The following PCCA variants were observed in gnomAD, a reference collection of about 807,000 sequenced individuals.
PCCA encodes propionyl-CoA carboxylase alpha chain, mitochondrial.
In PCCA, 74 loss-of-function variants were observed where a neutral mutation model predicts 101.3. The ratio of observed to expected loss-of-function variants is 0.73; its 90% confidence interval spans 0.61 to 0.89. The LOEUF (loss-of-function observed/expected upper bound fraction) is 0.89. Ranked by LOEUF, PCCA falls within the 40% of genes least tolerant of loss-of-function variation. PCCA has a pLI of 0.00. For synonymous variants in PCCA, 294 were observed against 313.6 expected (o/e 0.94, Z 0.66); for missense variants, 891 against 907.0 (o/e 0.98, Z 0.23).
intron 11 of PCCA, among the ~76,000 whole-genome samples, chr13:100,269,194 ATGTTCATGTAGACTC>A (rs1327708373): frequency 1.3e-5 from 2 of 152,134 alleles, no homozygotes; most frequent in Non-Finnish European, 2.9e-5. Context: ...AATTGCACTA[ATGTTCATGTAGACTC>A]TGTTACTGCA....
chr13:100,329,085 C>A (rs550833796), intron 16 of PCCA, among the ~76,000 whole-genome samples: 19 of 149,386 alleles, frequency 1.3e-4, no homozygotes, highest in African/African-American at 4.7e-4. Context: ...AACATAATTG[C>A]GGTTTTTGCA....
chr13:100,095,601 A>G (rs952546324), intron 1 of PCCA, among the ~76,000 whole-genome samples: 1 of 152,220 alleles, frequency 6.6e-6, no homozygotes, highest in African/African-American at 2.4e-5. Context: ...CAGGAAACTG[A>G]GCCAGCCAGC....
rs371862445 is a variant in PCCA at position 100,386,542 on chromosome 13, T to C, written c.1746+17968T>C. Reference sequence around the variant, plus strand: ...GACTACAGATGCCTGCCACCATGCCTGGCTAATTTTTTGTATTTTTAGTAC... The same window carrying C: ...GACTACAGATGCCTGCCACCATGCCCGGCTAATTTTTTGTATTTTTAGTAC... On this transcript the variant is annotated intron_variant, in intron 19 of 23. Coordinates refer to ENST00000376285, the MANE Select transcript of PCCA (RefSeq NM_000282.4). 1.1e-3 allele frequency among the ~76,000 whole-genome samples: 166 copies of C among 152,288 alleles called. 6 individuals carry two copies. The South Asian group carries it at 0.031, about 29-fold the overall frequency.
At chr13:100,438,468 G>A (rs2080104794) in intron 20 of PCCA, among the ~76,000 whole-genome samples, 1 of 152,036 alleles carries the variant, frequency 6.6e-6, no homozygotes, top group Non-Finnish European at 1.5e-5. Context: ...TTTCTCATTA[G>A]CCCCAGTCTC....
chr13:100,352,415 T>G (rs1262419969), intron 18 of PCCA, among the ~76,000 whole-genome samples: 1 of 137,050 alleles, frequency 7.3e-6, no homozygotes, highest in Non-Finnish European at 1.6e-5. Flanking sequence ...TTTTTTTTTT[T>G]GAGATAGGGT....
intron 13 of PCCA, 137 bp from the exon 14 acceptor site, chr13:100,302,787 A>G (rs1428219887): frequency 5.7e-6 from 4 of 702,846 alleles, no homozygotes; most frequent in Non-Finnish European, 1.1e-5. Flanking sequence ...AGACAATAAT[A>G]TTCTGAAATC....
chr13:100,188,786 T>G (rs2057518403), intron 6 of PCCA, among the ~76,000 whole-genome samples: 1 of 152,178 alleles, frequency 6.6e-6, no homozygotes, highest in Non-Finnish European at 1.5e-5. Flanking sequence ...TGTATTGTGG[T>G]TTTGAATTGC....
chr13:100,446,882 T>C (rs551075463), intron 20 of PCCA, among the ~76,000 whole-genome samples: 34 of 152,360 alleles, frequency 2.2e-4, no homozygotes, highest in African/African-American at 7.9e-4. Context: ...TTGTTCTTCT[T>C]GCCCTTAGAA....
At chr13:100,206,865 G>A (rs1334332704) in intron 6 of PCCA, among the ~76,000 whole-genome samples, 24 of 152,232 alleles carry the variant, frequency 1.6e-4, no homozygotes. Context: ...GAAGAGAGGA[G>A]CATCCTCATC....
At chr13:100,198,118 G>C (rs2058234054) in intron 6 of PCCA, 1 of 152,398 alleles carries the variant, frequency 6.6e-6, no homozygotes, top group South Asian at 2.1e-4. Flanking sequence ...AGGTAAGGAA[G>C]AAAGAGGGAG....
At chr13:100,266,520 G>A (rs1206901679) in intron 10 of PCCA, among the ~76,000 whole-genome samples, 1 of 152,100 alleles carries the variant, frequency 6.6e-6, no homozygotes, top group Admixed American at 6.5e-5. Context: ...ACATGATAAA[G>A]GGTAATTAAT....
chr13:100,422,936 A>G (rs2078922637), intron 19 of PCCA, among the ~76,000 whole-genome samples: 1 of 147,012 alleles, frequency 6.8e-6, no homozygotes, highest in Non-Finnish European at 1.5e-5. Flanking sequence ...AGAACTATTT[A>G]TCTGAACTCT....
chr13:100,474,074 G>T (rs536658191), intron 21 of PCCA, among the ~76,000 whole-genome samples: 2 of 152,270 alleles, frequency 1.3e-5, no homozygotes, highest in Non-Finnish European at 2.9e-5. Flanking sequence ...GAGTTTTATC[G>T]AACAGAAGGT....
intron 18 of PCCA, among the ~76,000 whole-genome samples, chr13:100,341,784 G>A (rs896852651): frequency 2.0e-5 from 3 of 152,014 alleles, no homozygotes; most frequent in African/African-American, 7.2e-5. Flanking sequence ...TCTGAGTGTA[G>A]CTAAATATGA....
intron 4 of PCCA, among the ~76,000 whole-genome samples, chr13:100,113,099 G>A (rs187378410): frequency 6.6e-6 from 1 of 152,160 alleles, no homozygotes; most frequent in Non-Finnish European, 1.5e-5. Context: ...ATCGTTAGGT[G>A]AATTCAATAT....
At chr13:100,349,652 G>A (rs1228246407) in intron 18 of PCCA, among the ~76,000 whole-genome samples, 5 of 152,168 alleles carry the variant, frequency 3.3e-5, no homozygotes, top group Admixed American at 6.5e-5. Flanking sequence ...CTTCACTATG[G>A]CCTATAATAT....
At chr13:100,284,712 T>A (rs1213617882) in intron 12 of PCCA, among the ~76,000 whole-genome samples, 1 of 152,218 alleles carries the variant, frequency 6.6e-6, no homozygotes, top group East Asian at 1.9e-4. Flanking sequence ...GGTTCACGGT[T>A]CTGGACCTCA....
intron 16 of PCCA, among the ~76,000 whole-genome samples, chr13:100,310,444 G>A (rs951957914): frequency 6.6e-5 from 10 of 152,230 alleles, no homozygotes; most frequent in African/African-American, 1.9e-4. Context: ...TTACTCTAAT[G>A]TGCTTGAGCA....
intron 8 of PCCA, among the ~76,000 whole-genome samples, chr13:100,251,366 C>T (rs1343630843): frequency 6.6e-6 from 1 of 152,062 alleles, no homozygotes. Flanking sequence ...GATAATGCTG[C>T]AGTATGTTTG....
Sources: allele counts gnomAD v4.1 joint callset (sites outside exome capture counted in the v4.1 genomes callset), GRCh38; gene constraint gnomAD v4.1.1; transcripts MANE v1.5; gene names NCBI Gene and HGNC (gene_info 2026-07-23, HGNC 2026-07-21).